The following RMST variants were observed in gnomAD, a reference collection of about 807,000 sequenced individuals.
RMST encodes long intergenic non-protein coding RNA 54.
At chr12:97,536,909 A>G (rs1882119189) in intron 11 of RMST, among the ~76,000 whole-genome samples, 2 of 151,636 alleles carry the variant, frequency 1.3e-5, no homozygotes, top group South Asian at 4.1e-4. Context: ...CTTCACAACA[A>G]TGAAACTAGT....
At chr12:97,495,172 C>T (rs1303167821) in intron 9 of RMST, among the ~76,000 whole-genome samples, 2 of 62,666 alleles carry the variant, frequency 3.2e-5, no homozygotes, top group Admixed American at 1.3e-4. Context: ...CATCATTATT[C>T]TTATGGGGGG....
chr12:97,513,454 G>C (rs952092718), intron 10 of RMST, among the ~76,000 whole-genome samples: 4 of 152,204 alleles, frequency 2.6e-5, no homozygotes, highest in Admixed American at 2.6e-4. Flanking sequence ...AATATTTATT[G>C]AGTAGAGTGC....
intron 10 of RMST, among the ~76,000 whole-genome samples, chr12:97,510,409 T>C (rs1592707483): frequency 1.3e-5 from 2 of 152,216 alleles, no homozygotes; most frequent in South Asian, 2.1e-4. Flanking sequence ...TATTTTGTAA[T>C]TGAGCAAGTA....
rs1876895228 is a variant in RMST, at chr12:97,492,029, A to C, written n.645-432A>C. 10 of 512,536 alleles carry C rather than the reference A, an allele frequency of 2.0e-5. No homozygotes were observed. The Admixed American group carries it at 2.0e-4, about 10-fold the overall frequency. 31.7% of individuals were successfully genotyped at this position (512,536 alleles called of 1,614,324 possible). On this transcript the variant is annotated intron_variant and non_coding_transcript_variant, in intron 5 of 13. Transcript: ENST00000640149. ...TGAGAACTGGAGTTTGGATTGATCT[A>C]ATTCCTTAATTCAAAAATGTGCACA...
chr12:97,537,464 T>C (rs576484750), intron 11 of RMST, among the ~76,000 whole-genome samples: 25 of 151,592 alleles, frequency 1.6e-4, no homozygotes, highest in African/African-American at 6.0e-4. Flanking sequence ...TCATTCTTTA[T>C]CTTCACGAGC....
chr12:97,559,026 A>T (rs1422292367), intron 11 of RMST, among the ~76,000 whole-genome samples: 1 of 152,152 alleles, frequency 6.6e-6, no homozygotes. Context: ...CCTTTAAAAA[A>T]ATTCACACAG....
intron 5 of RMST, among the ~76,000 whole-genome samples, chr12:97,481,575 A>C (rs1025519894): frequency 2.6e-5 from 4 of 151,998 alleles, no homozygotes; most frequent in Non-Finnish European, 4.4e-5. Context: ...TGCTGTCCCC[A>C]AAAATACTAC....
intron 11 of RMST, among the ~76,000 whole-genome samples, chr12:97,553,991 G>A (rs1384609749): frequency 8.4e-6 from 1 of 119,054 alleles, no homozygotes; most frequent in Admixed American, 1.1e-4. Flanking sequence ...GTCTTGCTCT[G>A]TCACCCAGGC....
chr12:97,485,751 C>T (rs1876020587), intron 5 of RMST, among the ~76,000 whole-genome samples: 1 of 152,222 alleles, frequency 6.6e-6, no homozygotes, highest in African/African-American at 2.4e-5. Context: ...AGACACAGTT[C>T]CATCTGTCCA....
At chr12:97,503,476 G>A (rs1198527440) in intron 10 of RMST, among the ~76,000 whole-genome samples, 4 of 150,838 alleles carry the variant, frequency 2.7e-5, no homozygotes, top group African/African-American at 9.7e-5. Context: ...AAAAAAGGTG[G>A]GATGCTTATT....
At chr12:97,522,082 C>T (rs746970132) in intron 10 of RMST, among the ~76,000 whole-genome samples, 5 of 151,972 alleles carry the variant, frequency 3.3e-5, no homozygotes, top group Admixed American at 2.0e-4. Context: ...TGCATAAAGT[C>T]GATCAACACA....
intron 10 of RMST, among the ~76,000 whole-genome samples, chr12:97,509,843 T>G (rs926980606): frequency 6.6e-6 from 1 of 152,222 alleles, no homozygotes; most frequent in East Asian, 1.9e-4. Context: ...GGCATTTTTT[T>G]GGGTGATGGT....
At chr12:97,501,338 A>G (rs1878051192) in intron 10 of RMST, among the ~76,000 whole-genome samples, 1 of 152,236 alleles carries the variant, frequency 6.6e-6, no homozygotes, top group Admixed American at 6.5e-5. Flanking sequence ...ATATACCCAC[A>G]GGAATTAAAT....
At chr12:97,469,214 T>C (rs1423038000) in intron 5 of RMST, among the ~76,000 whole-genome samples, 1 of 146,404 alleles carries the variant, frequency 6.8e-6, no homozygotes, top group Non-Finnish European at 1.5e-5. Context: ...TTACTATATA[T>C]ATAATTGTAT....
rs377716305 is a variant in RMST at position 97,464,557 on chromosome 12, A to G, written n.585-1111A>G. Among the ~76,000 whole-genome samples, 6 of 152,222 alleles carry G rather than the reference A, an allele frequency of 3.9e-5. No individual in the cohort carries two copies. The East Asian group carries it at 1.2e-3, about 29-fold the overall frequency. Reference sequence around the variant, plus strand: ...TATTTGATGTGATTCAAAGGCTGGAAATGACTTTTTCATTGTGGCACCTTT... The same window carrying G: ...TATTTGATGTGATTCAAAGGCTGGAGATGACTTTTTCATTGTGGCACCTTT... On this transcript the variant is annotated intron_variant and non_coding_transcript_variant, in intron 4 of 13. Coordinates refer to ENST00000640149, the Ensembl canonical transcript of RMST.
chr12:97,561,855 C>T (rs1884137105), intron 13 of RMST, among the ~76,000 whole-genome samples: 1 of 151,884 alleles, frequency 6.6e-6, no homozygotes, highest in African/African-American at 2.4e-5. Flanking sequence ...AATGTGTGTC[C>T]CAAACTAATG....
intron 11 of RMST, among the ~76,000 whole-genome samples, chr12:97,547,199 AAAT>A (rs772816130): frequency 3.4e-5 from 5 of 149,188 alleles, no homozygotes; most frequent in South Asian, 2.1e-4. Context: ...TTTAATCACT[AAAT>A]AATAATAATA....
chr12:97,464,778 A>C (rs970180070), intron 4 of RMST: 8 of 152,206 alleles, frequency 5.3e-5, no homozygotes, highest in African/African-American at 1.9e-4. Context: ...ATTGAGGAGC[A>C]TGTACCTTGA....
intron 11 of RMST, among the ~76,000 whole-genome samples, chr12:97,555,783 G>T (rs1256659491): frequency 6.6e-6 from 1 of 152,198 alleles, no homozygotes; most frequent in African/African-American, 2.4e-5. Flanking sequence ...AAGCAGTAAT[G>T]CTGTGCAGGA....
Sources: gnomAD v4.1 joint callset for allele counts (sites outside exome capture counted in the v4.1 genomes callset) on GRCh38, gnomAD v4.1.1 for gene constraint, MANE v1.5 for transcripts, NCBI Gene and HGNC (gene_info 2026-07-23, HGNC 2026-07-21) for gene names.